HEMK2: variants seen among roughly 807,000 people sequenced by gnomAD.
HEMK2 encodes HemK methyltransferase 2, ETF1 glutamine and histone H4 lysine.
At chr21:28,739,646 T>C in the HEMK2 span, among the ~76,000 whole-genome samples, 2 of 152,226 alleles carry the variant, frequency 1.3e-5, no homozygotes, top group South Asian at 2.1e-4. Flanking sequence ...TCTGTGATGA[T>C]GGAAATGTTC....
At chr21:28,728,007 C>A in the HEMK2 span, among the ~76,000 whole-genome samples, 1 of 152,138 alleles carries the variant, frequency 6.6e-6, no homozygotes, top group Non-Finnish European at 1.5e-5. Flanking sequence ...GAGATTGGAG[C>A]GATTCAGGGC....
the HEMK2 span, among the ~76,000 whole-genome samples, chr21:28,633,965 C>T: frequency 6.6e-6 from 1 of 152,132 alleles, no homozygotes; most frequent in Non-Finnish European, 1.5e-5. Context: ...ATGGAACAGG[C>T]TTCGGTTATC....
the HEMK2 span, among the ~76,000 whole-genome samples, chr21:28,645,594 G>C: frequency 1.3e-5 from 2 of 151,892 alleles, no homozygotes. Context: ...GAGCCCCATT[G>C]TTATGGTCTG....
At chr21:28,860,229 G>A in the HEMK2 span, among the ~76,000 whole-genome samples, 4 of 152,076 alleles carry the variant, frequency 2.6e-5, no homozygotes, top group Non-Finnish European at 5.9e-5. Flanking sequence ...CTCCCAGCGT[G>A]CCTAGAAAAG....
chr21:28,814,095 G>A, the HEMK2 span, among the ~76,000 whole-genome samples: 1 of 152,012 alleles, frequency 6.6e-6, no homozygotes, highest in Non-Finnish European at 1.5e-5. Flanking sequence ...AAATTAGCTG[G>A]GCATGGTGGT....
chr21:28,611,823 G>A, the HEMK2 span, among the ~76,000 whole-genome samples: 2 of 150,350 alleles, frequency 1.3e-5, no homozygotes, highest in Non-Finnish European at 1.5e-5. Flanking sequence ...AAGGGGAATC[G>A]CTTGAACCCA....
the HEMK2 span, among the ~76,000 whole-genome samples, chr21:28,768,776 C>A: frequency 1.3e-5 from 2 of 151,956 alleles, no homozygotes; most frequent in Admixed American, 6.6e-5. Flanking sequence ...GAAGCCCTAA[C>A]CTCTGATGTG....
chr21:28,644,222 G>A, the HEMK2 span, among the ~76,000 whole-genome samples: 1 of 152,170 alleles, frequency 6.6e-6, no homozygotes, highest in Non-Finnish European at 1.5e-5. Flanking sequence ...TTCGTCACAA[G>A]GTGGCAGGAA....
At chr21:28,586,024 C>T in the HEMK2 span, among the ~76,000 whole-genome samples, 4 of 152,260 alleles carry the variant, frequency 2.6e-5, no homozygotes, top group African/African-American at 9.6e-5. Context: ...ATTTATAACA[C>T]TAGTGATACA....
the HEMK2 span, among the ~76,000 whole-genome samples, chr21:28,766,387 C>T: frequency 6.6e-6 from 1 of 151,826 alleles, no homozygotes; most frequent in African/African-American, 2.4e-5. Context: ...GAAAAGGGAA[C>T]ACTTTTATAC....
At chr21:28,789,347 C>T in the HEMK2 span, among the ~76,000 whole-genome samples, 1 of 152,036 alleles carries the variant, frequency 6.6e-6, no homozygotes. Flanking sequence ...GTATAGCTCT[C>T]AATTGTGGAA....
the HEMK2 span, chr21:28,879,789 ATGT>A: frequency 9.6e-7 from 1 of 1,038,440 alleles, no homozygotes; most frequent in Admixed American, 2.6e-5. Context: ...CAGCTGACTG[ATGT>A]CATAGGATGA....
chr21:28,848,406 G>T, the HEMK2 span, among the ~76,000 whole-genome samples: 1 of 151,916 alleles, frequency 6.6e-6, no homozygotes, highest in Non-Finnish European at 1.5e-5. Flanking sequence ...AACAAAAAGA[G>T]ATCATTTGAT....
the HEMK2 span, among the ~76,000 whole-genome samples, chr21:28,585,836 T>C: frequency 6.6e-6 from 1 of 152,020 alleles, no homozygotes; most frequent in Non-Finnish European, 1.5e-5. Flanking sequence ...TTGAAAGACA[T>C]AAATCCTCAG....
At chr21:28,728,807 G>T in the HEMK2 span, among the ~76,000 whole-genome samples, 3 of 152,144 alleles carry the variant, frequency 2.0e-5, no homozygotes, top group Non-Finnish European at 4.4e-5. Flanking sequence ...TCTGAAATAG[G>T]ACACAAGGGA....
At chr21:28,590,800 G>A in the HEMK2 span, among the ~76,000 whole-genome samples, 1 of 152,196 alleles carries the variant, frequency 6.6e-6, no homozygotes, top group Non-Finnish European at 1.5e-5. Context: ...TACAGCTGAC[G>A]AGACAGCCCC....
At chr21:28,749,584 C>G in the HEMK2 span, among the ~76,000 whole-genome samples, 2 of 152,166 alleles carry the variant, frequency 1.3e-5, no homozygotes, top group Non-Finnish European at 2.9e-5. Context: ...AGAATCCAAT[C>G]AAGAAGTGTG....
the HEMK2 span, among the ~76,000 whole-genome samples, chr21:28,752,116 T>A: frequency 6.6e-6 from 1 of 152,258 alleles, no homozygotes; most frequent in Non-Finnish European, 1.5e-5. Flanking sequence ...AATTAAAGTA[T>A]CATGTGAAAG....
At chr21:28,619,230 G>A in the HEMK2 span, among the ~76,000 whole-genome samples, 109 of 152,246 alleles carry the variant, frequency 7.2e-4, 1 homozygote, top group East Asian at 2.9e-3. Context: ...GCTTGGAGAC[G>A]ATACATGACT....
Sources: allele counts gnomAD v4.1 joint callset (sites outside exome capture counted in the v4.1 genomes callset), GRCh38; gene constraint gnomAD v4.1.1; transcripts MANE v1.5; gene names NCBI Gene and HGNC (gene_info 2026-07-23, HGNC 2026-07-21).